The following HLCS variants were observed in gnomAD, a reference collection of about 807,000 sequenced individuals.
HLCS encodes the protein holocarboxylase synthetase.
Under a neutral mutation model 75.0 loss-of-function variants are expected in HLCS, and 53 were observed. That is an observed-to-expected ratio of 0.71 (90% CI 0.57 to 0.89). The LOEUF is 0.89. Among genes scored for constraint, HLCS ranks in the 40% least tolerant of loss-of-function variants. HLCS has a pLI of 0.00. For missense variants in HLCS, 966 were observed against 1,074.0 expected (o/e 0.90, Z 1.41); for synonymous variants, 431 against 428.6 (o/e 1.01, Z -0.07).
chr21:36,754,177 T>C lies in HLCS; in HGVS notation c.*69A>G. The C allele has an allele frequency of 6.8e-7, 1 of 1,470,760 alleles. No individual in the cohort carries two copies. Among genetic ancestry groups the C allele is most frequent in the Non-Finnish European group, 9.4e-7 (1 of 1,059,468 alleles). 91.1% of individuals were successfully genotyped at this position (1,470,760 alleles called of 1,614,324 possible). ...GAATTGGAGGAAAAGAAAATTCACC[T>C]ACAACTCTAAATTAGATTTCCAGAT... On this transcript the variant is annotated 3_prime_UTR_variant, in exon 11 of 11. Coordinates refer to ENST00000674895, the MANE Select transcript of HLCS (RefSeq NM_001352514.2).
At chr21:36,789,850 T>C (rs964103554) in intron 6 of HLCS, among the ~76,000 whole-genome samples, 1 of 152,242 alleles carries the variant, frequency 6.6e-6, no homozygotes, top group Non-Finnish European at 1.5e-5. Flanking sequence ...ATGGACAATA[T>C]TCCATTGAGT....
At chr21:36,834,756 A>G (rs1213580836) in intron 6 of HLCS, among the ~76,000 whole-genome samples, 2 of 152,110 alleles carry the variant, frequency 1.3e-5, no homozygotes, top group African/African-American at 2.4e-5. Context: ...GGGTTTCACC[A>G]TGTTGGCCAG....
chr21:36,932,826 G>A lies in HLCS; in HGVS notation c.1438-2393C>T, dbSNP rs556737004. Among the ~76,000 whole-genome samples, 10 of 152,328 alleles carry A rather than the reference G, an allele frequency of 6.6e-5. 1 individual carries two copies. In the East Asian group the frequency reaches 1.5e-3, roughly 24 times the overall value. On this transcript the variant is annotated intron_variant, in intron 4 of 10. Coordinates refer to ENST00000674895, the MANE Select transcript of HLCS (RefSeq NM_001352514.2). The stretch of plus-strand genomic sequence containing the variant: ...CAAATATACTAACCAAATGTTAGAA[G>A]TTGAGGCTTAGCTGGGTGTGGTGGC...
chr21:36,863,610 G>A (rs1019657775), intron 6 of HLCS, among the ~76,000 whole-genome samples: 2 of 152,130 alleles, frequency 1.3e-5, no homozygotes, highest in East Asian at 1.9e-4. Flanking sequence ...AGGAAGGAAC[G>A]TGATTAGATT....
intron 5 of HLCS, among the ~76,000 whole-genome samples, chr21:36,920,021 A>G (rs546707111): frequency 7.0e-4 from 107 of 152,272 alleles, no homozygotes; most frequent in African/African-American, 2.4e-3. Flanking sequence ...CAGAACAGAG[A>G]AGGGTTTGGT....
At chr21:36,951,928 T>A (rs2067687912) in intron 2 of HLCS, among the ~76,000 whole-genome samples, 1 of 152,232 alleles carries the variant, frequency 6.6e-6, no homozygotes, top group Non-Finnish European at 1.5e-5. Context: ...AATATGAGTA[T>A]GTGAATGCTA....
chr21:36,841,672 A>G (rs1463321954), intron 6 of HLCS, among the ~76,000 whole-genome samples: 1 of 152,218 alleles, frequency 6.6e-6, no homozygotes, highest in Non-Finnish European at 1.5e-5. Flanking sequence ...AAATGGGGAT[A>G]ATGCAACGTA....
intron 5 of HLCS, among the ~76,000 whole-genome samples, chr21:36,912,749 C>T (rs1223815680): frequency 6.6e-6 from 1 of 152,048 alleles, no homozygotes; most frequent in Non-Finnish European, 1.5e-5. Flanking sequence ...GTCCTCTATG[C>T]AATTAGCCAC....
chr21:36,760,501 T>C (rs2089791461), intron 8 of HLCS, among the ~76,000 whole-genome samples: 1 of 151,922 alleles, frequency 6.6e-6, no homozygotes, highest in Non-Finnish European at 1.5e-5. Flanking sequence ...TCCCAGCTAC[T>C]TGAGAGGCTG....
At chr21:36,926,272 G>A (rs2066402029) in intron 5 of HLCS, among the ~76,000 whole-genome samples, 1 of 152,256 alleles carries the variant, frequency 6.6e-6, no homozygotes, top group Non-Finnish European at 1.5e-5. Flanking sequence ...CAAAGGGACA[G>A]CTTCAGCTCG....
chr21:36,948,429 ATAT>A (rs1257682479), intron 2 of HLCS: 1 of 151,910 alleles, frequency 6.6e-6, no homozygotes, highest in Non-Finnish European at 1.5e-5. Flanking sequence ...CTTTCACTTG[ATAT>A]TATGTAAAAA....
chr21:36,822,437 A>G (rs2061874947), intron 6 of HLCS, among the ~76,000 whole-genome samples: 1 of 151,662 alleles, frequency 6.6e-6, no homozygotes, highest in Non-Finnish European at 1.5e-5. Flanking sequence ...CTTGGAAAAG[A>G]AAAAAAAAGC....
At position 36,957,148 on chromosome 21, in the gene HLCS, G is replaced by A. The variant is rs549607026; in HGVS notation, c.330+4888C>T. Among the ~76,000 whole-genome samples the A allele has an allele frequency of 1.6e-3, 245 of 152,146 alleles. 1 individual carries two copies. Among genetic ancestry groups the A allele is most frequent in the Non-Finnish European group, 2.2e-3 (147 of 68,008 alleles). On this transcript the variant is annotated intron_variant, in intron 2 of 10. Transcript: ENST00000674895. ...TCACGTTGAAATGTAATCCCCAGTG[G>A]TTGAGGTGGGGCCTGTGGGGGAAGT...
intron 4 of HLCS, among the ~76,000 whole-genome samples, chr21:36,936,229 T>G (rs1213451676): frequency 6.6e-6 from 1 of 152,192 alleles, no homozygotes; most frequent in Non-Finnish European, 1.5e-5. Flanking sequence ...GCCTTGTTCC[T>G]CCCTCACAAG....
intron 6 of HLCS, among the ~76,000 whole-genome samples, chr21:36,808,737 C>T (rs573328222): frequency 6.6e-6 from 1 of 152,268 alleles, no homozygotes; most frequent in East Asian, 1.9e-4. Flanking sequence ...ATTTACCAGT[C>T]CAGTAGTCTT....
intron 6 of HLCS, among the ~76,000 whole-genome samples, chr21:36,887,127 CT>C (rs537110251): frequency 0.02 from 966 of 48,196 alleles, 11 homozygotes; most frequent in African/African-American, 0.081. Flanking sequence ...GAGATTCTGT[CT>C]CAAAAAAAAA....
At chr21:36,760,655 C>T (rs1004070010) in intron 8 of HLCS, among the ~76,000 whole-genome samples, 9 of 151,594 alleles carry the variant, frequency 5.9e-5, no homozygotes, top group African/African-American at 2.2e-4. Flanking sequence ...AGGAGAAATT[C>T]ACCTTAGCGA....
At chr21:36,855,271 C>T (rs979992835) in intron 6 of HLCS, among the ~76,000 whole-genome samples, 1 of 152,054 alleles carries the variant, frequency 6.6e-6, no homozygotes, top group Non-Finnish European at 1.5e-5. Context: ...TGGCTCACGC[C>T]TGTAATCCCA....
At chr21:36,922,923 A>G (rs760150945) in intron 5 of HLCS, among the ~76,000 whole-genome samples, 1 of 152,262 alleles carries the variant, frequency 6.6e-6, no homozygotes, top group Non-Finnish European at 1.5e-5. Flanking sequence ...TCACATCCCA[A>G]GAACTGAAGG....
Sources: gnomAD v4.1 joint callset for allele counts (sites outside exome capture counted in the v4.1 genomes callset) on GRCh38, gnomAD v4.1.1 for gene constraint, MANE v1.5 for transcripts, NCBI Gene and HGNC (gene_info 2026-07-23, HGNC 2026-07-21) for gene names.